GPATCH2: variants seen among roughly 807,000 people sequenced by gnomAD.
GPATCH2 encodes G-patch domain containing 2.
A neutral mutation model predicts 58.0 loss-of-function variants in GPATCH2; 51 were observed. The ratio of observed to expected loss-of-function variants is 0.88; its 90% CI spans 0.70 to 1.11. The LOEUF (loss-of-function observed/expected upper bound fraction) is 1.11. Among genes scored for constraint, GPATCH2 ranks in the 50% most tolerant of loss-of-function variants. The pLI, the probability that GPATCH2 is intolerant of heterozygous loss-of-function variation, is 0.00. For missense variants in GPATCH2, 625 were observed against 652.2 expected (o/e 0.96, Z 0.45); for synonymous variants, 222 against 218.5 (o/e 1.02, Z -0.14).
intron 5 of GPATCH2, among the ~76,000 whole-genome samples, chr1:217,588,590 C>A (rs1242245569): frequency 6.6e-6 from 1 of 151,978 alleles, no homozygotes; most frequent in East Asian, 1.9e-4. Flanking sequence ...ATTAAATGTC[C>A]TTCAAAATGA....
intron 5 of GPATCH2, among the ~76,000 whole-genome samples, chr1:217,546,962 T>C (rs1418801282): frequency 1.3e-5 from 2 of 151,806 alleles, no homozygotes; most frequent in South Asian, 2.1e-4. Flanking sequence ...TCAAAAGACA[T>C]ACATGCAGCC....
chr1:217,596,692 TAG>T (rs1207809033), intron 5 of GPATCH2, among the ~76,000 whole-genome samples: 2 of 152,124 alleles, frequency 1.3e-5, no homozygotes, highest in Non-Finnish European at 2.9e-5. Context: ...AATGAAAATA[TAG>T]GTATGATTTA....
chr1:217,601,379 T>C (rs1220733584), intron 5 of GPATCH2, among the ~76,000 whole-genome samples: 1 of 151,680 alleles, frequency 6.6e-6, no homozygotes, highest in Non-Finnish European at 1.5e-5. Context: ...CATTACCCCA[T>C]AAATATGTAT....
intron 5 of GPATCH2, among the ~76,000 whole-genome samples, chr1:217,557,177 C>T (rs778723359): frequency 2.0e-5 from 3 of 152,072 alleles, no homozygotes; most frequent in South Asian, 4.1e-4. Flanking sequence ...GAGGCCAAGG[C>T]GGGTGGATCA....
intron 5 of GPATCH2, among the ~76,000 whole-genome samples, chr1:217,565,863 AG>A (rs1666202218): frequency 1.3e-5 from 2 of 152,148 alleles, no homozygotes; most frequent in Non-Finnish European, 2.9e-5. Context: ...GCAGTTTGGG[AG>A]GCCCAGGCGG....
chr1:217,567,450 A>G (rs1191084589), intron 5 of GPATCH2, among the ~76,000 whole-genome samples: 1 of 152,194 alleles, frequency 6.6e-6, no homozygotes, highest in Non-Finnish European at 1.5e-5. Flanking sequence ...ATACATTTTG[A>G]AAATCATCTA....
intron 5 of GPATCH2, among the ~76,000 whole-genome samples, chr1:217,574,384 C>T (rs1666708814): frequency 6.6e-6 from 1 of 152,128 alleles, no homozygotes; most frequent in Admixed American, 6.5e-5. Flanking sequence ...AAGCTGACTT[C>T]AGAGTTGACT....
At chr1:217,519,550 A>T (rs913856997) in intron 5 of GPATCH2, among the ~76,000 whole-genome samples, 11 of 152,232 alleles carry the variant, frequency 7.2e-5, no homozygotes, top group African/African-American at 2.7e-4. Context: ...AGTTGCATGC[A>T]TTATCTCCCC....
In GPATCH2 at chr1:217,560,449, G is replaced by GA. The variant is rs539444305; in HGVS notation, c.1099-45561dup. On this transcript the variant is annotated intron_variant, in intron 5 of 9. Transcript: ENST00000366935. The stretch of plus-strand genomic sequence containing the variant: ...GGGGCTCAATACATGTTGAATGAAT[G>GA]AAAAAACCCAGTTTTTCCATTTCTG... Among the ~76,000 whole-genome samples, 1,085 of 152,216 alleles carry GA rather than the reference G, an allele frequency of 7.1e-3. 17 individuals carry two copies. Among genetic ancestry groups the GA allele is most frequent in the African/African-American group, 0.025 (1,037 of 41,546 alleles).
chr1:217,546,126 A>G (rs1665036404), intron 5 of GPATCH2, among the ~76,000 whole-genome samples: 1 of 152,232 alleles, frequency 6.6e-6, no homozygotes, highest in South Asian at 2.1e-4. Flanking sequence ...ACTACAAACC[A>G]CTGCTCAAAG....
intron 5 of GPATCH2, among the ~76,000 whole-genome samples, chr1:217,549,087 G>A (rs1042662159): frequency 6.6e-6 from 1 of 151,976 alleles, no homozygotes; most frequent in African/African-American, 2.4e-5. Context: ...CTTCTATACA[G>A]CTTTGTCTAG....
intron 8 of GPATCH2, among the ~76,000 whole-genome samples, chr1:217,483,878 T>C (rs993651522): frequency 1.3e-5 from 2 of 152,228 alleles, no homozygotes; most frequent in African/African-American, 4.8e-5. Flanking sequence ...GATATAAATA[T>C]TTTATAAGAT....
chr1:217,452,332 TTTA>T (rs1659705192), intron 8 of GPATCH2, among the ~76,000 whole-genome samples: 1 of 152,200 alleles, frequency 6.6e-6, no homozygotes, highest in Non-Finnish European at 1.5e-5. Flanking sequence ...TAAGGCTGGT[TTTA>T]TTGATTTCAG....
chr1:217,556,252 C>A (rs983305695), intron 5 of GPATCH2, among the ~76,000 whole-genome samples: 1 of 152,146 alleles, frequency 6.6e-6, no homozygotes, highest in East Asian at 1.9e-4. Flanking sequence ...AGTAACCCAA[C>A]CCAGGAACTA....
intron 8 of GPATCH2, among the ~76,000 whole-genome samples, chr1:217,465,503 TGGGAGGGACCAGG>T (rs947220281): frequency 1.3e-5 from 2 of 152,310 alleles, no homozygotes; most frequent in African/African-American, 4.8e-5. Context: ...TCACATGTTG[TGGGAGGGACCAGG>T]GGGAGGTAAC....
At chr1:217,572,053 A>G (rs1666590656) in intron 5 of GPATCH2, among the ~76,000 whole-genome samples, 1 of 151,968 alleles carries the variant, frequency 6.6e-6, no homozygotes, top group African/African-American at 2.4e-5. Flanking sequence ...AGGGAGAGGG[A>G]GAGAAATTAG....
chr1:217,433,499 T>A (rs898408274), intron 9 of GPATCH2, among the ~76,000 whole-genome samples: 1 of 151,626 alleles, frequency 6.6e-6, no homozygotes, highest in Non-Finnish European at 1.5e-5. Flanking sequence ...CAGGTTCAAG[T>A]GATTCTTATG....
chr1:217,498,207 T>TG, intron 7 of GPATCH2, 149 bp downstream of exon 7: 1 of 768,240 alleles, frequency 1.3e-6, no homozygotes. Context: ...ATTTGGTCAG[T>TG]GTATTTAATC....
rs991212267 is a variant in GPATCH2, at chr1:217,610,388, C to T, written c.1031G>A (p.Arg344Lys). The T allele has an allele frequency of 6.3e-7, 1 of 1,598,282 alleles. No individual in the cohort carries two copies. The highest frequency in any genetic ancestry group is 1.7e-5 in the Admixed American group (1 of 59,650). ...SHPSRRGFQARLSRLHGMSSK... is the reference protein window; with the variant it reads ...SHPSRRGFQAKLSRLHGMSSK... Reference sequence around the variant, plus strand: ...AGACATTCCATGAAGGCGACTGAGTCTAGCTTGGAAACCTGTAAAATCAAA... The same window carrying T: ...AGACATTCCATGAAGGCGACTGAGTTTAGCTTGGAAACCTGTAAAATCAAA... The change falls in exon 5 of 10, where the codon AGA (arginine) becomes AAA (lysine). Residue 344 changes from arginine to lysine, a missense_variant. Arg to Lys is a conservative substitution (Grantham distance 26). Transcript: ENST00000366935.
Sources: allele counts gnomAD v4.1 joint callset (sites outside exome capture counted in the v4.1 genomes callset), GRCh38; gene constraint gnomAD v4.1.1; transcripts MANE v1.5; gene names NCBI Gene and HGNC (gene_info 2026-07-23, HGNC 2026-07-21).